Variants in MTSS1 observed in about 807,000 individuals in gnomAD.
The protein encoded by MTSS1 is MTSS I-BAR domain containing 1.
A neutral mutation model predicts 79.0 loss-of-function variants in MTSS1; 18 were observed. That is an observed-to-expected ratio of 0.23 (90% confidence interval 0.16 to 0.34). The LOEUF (loss-of-function observed/expected upper bound fraction) is 0.34, where lower values mean the gene tolerates loss of function less well. MTSS1 is among the 10% of genes least tolerant of loss of function. The pLI is 1.00. For synonymous variants in MTSS1, 341 were observed against 368.6 expected, an observed-to-expected ratio of 0.93 and a Z score of 0.86; for missense variants, 815 against 986.2, an observed-to-expected ratio of 0.83 and a Z score of 2.33.
chr8:124,660,487 G>T (rs1387809228), intron 3 of MTSS1, among the ~76,000 whole-genome samples: 1 of 149,544 alleles, frequency 6.7e-6, no homozygotes, highest in African/African-American at 2.5e-5. Context: ...CAAGCTGAAG[G>T]GTGGAGGCAA....
intron 3 of MTSS1, among the ~76,000 whole-genome samples, chr8:124,640,153 G>C (rs1369922572): frequency 6.6e-6 from 1 of 152,188 alleles, no homozygotes; most frequent in African/African-American, 2.4e-5. Flanking sequence ...CTGGTAGATG[G>C]GTCAAGCTGG....
At chr8:124,695,551 T>G (rs12543112) in intron 3 of MTSS1, among the ~76,000 whole-genome samples, 54,742 of 152,052 alleles carry the variant, frequency 0.36, 10,591 homozygotes, top group Non-Finnish European at 0.41. Context: ...ATAGATCACT[T>G]GTAGGACTCC....
At chr8:124,577,708 TG>T (rs1829248818) in intron 6 of MTSS1, 5 of 491,598 alleles carry the variant, frequency 1.0e-5, no homozygotes, top group Admixed American at 8.6e-5. Flanking sequence ...TTCTAAGCCC[TG>T]GGCTTAGCCT....
At chr8:124,576,941 T>C (rs373963423) in intron 6 of MTSS1, among the ~76,000 whole-genome samples, 3 of 152,236 alleles carry the variant, frequency 2.0e-5, no homozygotes, top group East Asian at 1.9e-4. Context: ...ATACTCTATA[T>C]ACCTCTACCC....
chr8:124,655,486 G>A (rs1435969972), intron 3 of MTSS1, among the ~76,000 whole-genome samples: 2 of 152,204 alleles, frequency 1.3e-5, no homozygotes, highest in African/African-American at 2.4e-5. Context: ...CCTCCACACA[G>A]GTGAGAGTGA....
intron 3 of MTSS1, among the ~76,000 whole-genome samples, chr8:124,666,391 G>A (rs550143958): frequency 3.3e-5 from 5 of 152,322 alleles, no homozygotes; most frequent in South Asian, 2.1e-4. Flanking sequence ...GTACAAGCAC[G>A]ATAGAGGGAA....
chr8:124,603,497 T>C (rs752492), intron 3 of MTSS1, among the ~76,000 whole-genome samples: 47,875 of 152,184 alleles, frequency 0.31, 9,787 homozygotes, highest in African/African-American at 0.57. Context: ...AAGGTCAAAG[T>C]CAGCACTCAG....
intron 13 of MTSS1, among the ~76,000 whole-genome samples, chr8:124,554,954 C>T (rs1823275754): frequency 6.6e-6 from 1 of 152,138 alleles, no homozygotes; most frequent in Non-Finnish European, 1.5e-5. Context: ...AGCAGTCCTC[C>T]CACCTCAGCC....
Position 124,561,831 on chromosome 8 carries a change from C to T in MTSS1, c.1035+951G>A, listed in dbSNP as rs77950588. Among the ~76,000 whole-genome samples, 1,404 of 152,202 alleles carry T rather than the reference C, an allele frequency of 9.2e-3. 21 individuals are homozygous for T. Among genetic ancestry groups the T allele is most frequent in the African/African-American group, 0.032 (1,313 of 41,518 alleles). On this transcript the variant is annotated intron_variant, in intron 10 of 13. Transcript: ENST00000518547. ...CAAGCCAAGCACCCCAGGTGGGACA[C>T]GCACTCTCAAGCACTCTCAAACTAT...
At chr8:124,564,444 T>C (rs924735938) in intron 9 of MTSS1, among the ~76,000 whole-genome samples, 3 of 152,004 alleles carry the variant, frequency 2.0e-5, no homozygotes, top group Non-Finnish European at 4.4e-5. Flanking sequence ...CTGGAGGAAA[T>C]CGCTGCAGTG....
chr8:124,585,286 C>A, intron 5 of MTSS1, 125 bp from the exon 6 acceptor site: 1 of 709,662 alleles, frequency 1.4e-6, no homozygotes. Context: ...ATGGCTTTAT[C>A]AGAATACAAT....
chr8:124,565,554 G>A, intron 9 of MTSS1, 108 bp downstream of exon 9: 2 of 904,156 alleles, frequency 2.2e-6, no homozygotes, highest in Non-Finnish European at 3.4e-6. Flanking sequence ...CCCATTTCCT[G>A]TTTGAGAATG....
At chr8:124,620,182 G>T (rs1813222006) in intron 3 of MTSS1, among the ~76,000 whole-genome samples, 2 of 152,036 alleles carry the variant, frequency 1.3e-5, no homozygotes, top group African/African-American at 4.8e-5. Context: ...CCAGCCTCAG[G>T]TGACCCGCCC....
At chr8:124,622,172 C>T (rs541540361) in intron 3 of MTSS1, among the ~76,000 whole-genome samples, 70 of 152,018 alleles carry the variant, frequency 4.6e-4, no homozygotes, top group Non-Finnish European at 8.5e-4. Flanking sequence ...ACCTGGAGGA[C>T]GTTATGCTAA....
chr8:124,613,152 C>T (rs550860983), intron 3 of MTSS1, among the ~76,000 whole-genome samples: 2 of 152,260 alleles, frequency 1.3e-5, no homozygotes, highest in Non-Finnish European at 2.9e-5. Flanking sequence ...GGCAACCCAC[C>T]GAACAGGAGT....
intron 12 of MTSS1, 87 bp from the exon 13 acceptor site, chr8:124,555,991 T>C: frequency 6.4e-7 from 1 of 1,563,558 alleles, no homozygotes; most frequent in Non-Finnish European, 8.6e-7. Context: ...GCACTACATG[T>C]CTGTGGGGCC....
chr8:124,600,941 AT>A (rs1259102006), intron 3 of MTSS1, among the ~76,000 whole-genome samples: 4 of 152,160 alleles, frequency 2.6e-5, no homozygotes, highest in African/African-American at 9.7e-5. Context: ...CGGGAGGCTC[AT>A]GAAAACCAAC....
At chr8:124,639,243 C>G (rs972114323) in intron 3 of MTSS1, among the ~76,000 whole-genome samples, 5 of 152,102 alleles carry the variant, frequency 3.3e-5, no homozygotes, top group African/African-American at 1.2e-4. Context: ...GAGGCTGCGG[C>G]AGGAGAATCG....
intron 3 of MTSS1, among the ~76,000 whole-genome samples, chr8:124,602,545 C>T: frequency 6.6e-6 from 1 of 152,120 alleles, no homozygotes; most frequent in Non-Finnish European, 1.5e-5. Flanking sequence ...GGGCTGCATT[C>T]AAAGCCATCC....
Sources: gnomAD v4.1 joint callset for allele counts (sites outside exome capture counted in the v4.1 genomes callset) on GRCh38, gnomAD v4.1.1 for gene constraint, MANE v1.5 for transcripts, NCBI Gene and HGNC (gene_info 2026-07-23, HGNC 2026-07-21) for gene names.